The following DUSP16 variants were observed in gnomAD, a reference collection of about 807,000 sequenced individuals.
The protein encoded by DUSP16 is dual specificity protein phosphatase 16.
In DUSP16, 21 loss-of-function variants were observed where a neutral mutation model predicts 58.3. That is an observed-to-expected ratio of 0.36 (90% CI 0.26 to 0.52). The LOEUF (loss-of-function observed/expected upper bound fraction) is 0.52. DUSP16 is among the 20% of genes least tolerant of loss of function. The pLI, the probability that DUSP16 is intolerant of heterozygous loss-of-function variation, is 0.94. For missense variants in DUSP16, 726 were observed against 819.0 expected (o/e 0.89, Z 1.39); for synonymous variants, 320 against 323.8 (o/e 0.99, Z 0.12).
Position 12,493,102 on chromosome 12 carries a change from CTTCAGGGA to C in DUSP16, c.532-5923_532-5916del, listed in dbSNP as rs912093254. Among the ~76,000 whole-genome samples the C allele has an allele frequency of 3.8e-3, 580 of 152,290 alleles. 2 individuals are homozygous for C. The highest frequency in any genetic ancestry group is 0.013 in the African/African-American group (552 of 41,542). ...ATGACTCCCACCTTTATACCTCCTC[CTTCAGGGA>C]TCCCCCTGCCCCATTCATACATCCA... On this transcript the variant is annotated intron_variant, in intron 4 of 6. Transcript: ENST00000298573.
chr12:12,506,498 T>C (rs911103448), intron 3 of DUSP16, among the ~76,000 whole-genome samples: 37 of 152,212 alleles, frequency 2.4e-4, no homozygotes, highest in South Asian at 2.1e-4. Context: ...TTTTTTAAAG[T>C]TGTCTGAAGA....
At chr12:12,551,691 CT>C (rs35198357) in intron 1 of DUSP16, among the ~76,000 whole-genome samples, 42,826 of 139,824 alleles carry the variant, frequency 0.31, 7,180 homozygotes, top group East Asian at 0.4. Flanking sequence ...CTTAGTAAAC[CT>C]TTTTTTTTTT....
At chr12:12,497,663 C>A (rs1461369367) in intron 4 of DUSP16, among the ~76,000 whole-genome samples, 2 of 134,086 alleles carry the variant, frequency 1.5e-5, no homozygotes, top group African/African-American at 5.0e-5. Flanking sequence ...GGTGGCACTT[C>A]ATTTAAAAAA....
At chr12:12,497,631 T>G (rs762743214) in intron 4 of DUSP16, among the ~76,000 whole-genome samples, 2 of 151,122 alleles carry the variant, frequency 1.3e-5, no homozygotes, top group African/African-American at 2.4e-5. Flanking sequence ...AAAATTTCTG[T>G]GACATGCTTC....
Position 12,522,406 on chromosome 12 carries a change from C to G in DUSP16, c.-365-943G>C, listed in dbSNP as rs139235785. ...CCAAACTCCTTTAATCAATCACTTTCTAATTAACACTAGTTGAAGTTTTGC... is the reference window on the plus strand; with the variant it reads ...CCAAACTCCTTTAATCAATCACTTTGTAATTAACACTAGTTGAAGTTTTGC... On this transcript the variant is annotated intron_variant, in intron 1 of 6. Transcript: ENST00000298573. Among the ~76,000 whole-genome samples the G allele has an allele frequency of 2.6e-5, 4 of 152,304 alleles. No homozygotes were observed. In the East Asian group the frequency reaches 7.7e-4, roughly 29 times the overall value.
At chr12:12,515,990 G>A (rs1046238768) in intron 3 of DUSP16, among the ~76,000 whole-genome samples, 1 of 151,640 alleles carries the variant, frequency 6.6e-6, no homozygotes, top group Non-Finnish European at 1.5e-5. Flanking sequence ...TGGCCAGGCT[G>A]GTCTCGAACT....
At chr12:12,536,023 T>C (rs886619168) in intron 1 of DUSP16, among the ~76,000 whole-genome samples, 2 of 152,226 alleles carry the variant, frequency 1.3e-5, no homozygotes, top group Non-Finnish European at 2.9e-5. Context: ...ATAAGAACAC[T>C]ACTAAGAGAA....
At position 12,561,761 on chromosome 12, in the gene DUSP16, G is replaced by A. The variant is rs1291088566; in HGVS notation, c.-366+356C>T. Among the ~76,000 whole-genome samples, 22 of 152,006 alleles carry A rather than the reference G, an allele frequency of 1.4e-4. No homozygotes were observed. In the East Asian group the frequency reaches 3.9e-3, roughly 27 times the overall value. On this transcript the variant is annotated intron_variant, in intron 1 of 6. Transcript: ENST00000298573. Reference sequence around the variant, plus strand: ...TTCGCCCGCAAAGGTGCCGCGTCCCGCGGCGGCCGCTCCTCTCGGCGGGGC... The same window carrying A: ...TTCGCCCGCAAAGGTGCCGCGTCCCACGGCGGCCGCTCCTCTCGGCGGGGC...
intron 1 of DUSP16, among the ~76,000 whole-genome samples, chr12:12,561,783 G>A (rs1944908179): frequency 6.6e-6 from 1 of 151,750 alleles, no homozygotes; most frequent in South Asian, 2.1e-4. Context: ...CCTCTCGGCG[G>A]GGCCCGGTCC....
chr12:12,510,024 T>TA (rs1242182067), intron 3 of DUSP16, among the ~76,000 whole-genome samples: 1 of 152,164 alleles, frequency 6.6e-6, no homozygotes, highest in Admixed American at 6.5e-5. Context: ...ACTGAATCCT[T>TA]ACTATGATTC....
At chr12:12,560,436 T>C (rs1229418320) in intron 1 of DUSP16, among the ~76,000 whole-genome samples, 1 of 152,208 alleles carries the variant, frequency 6.6e-6, no homozygotes, top group Non-Finnish European at 1.5e-5. Flanking sequence ...GCTGGTGTTA[T>C]TTAGCCTATA....
At chr12:12,517,632 T>C (rs1030944539) in intron 3 of DUSP16, among the ~76,000 whole-genome samples, 2 of 152,218 alleles carry the variant, frequency 1.3e-5, no homozygotes, top group Non-Finnish European at 2.9e-5. Flanking sequence ...TTTTGGATGA[T>C]TGGGAAGGCT....
chr12:12,488,767 A>G (rs1943720295), intron 4 of DUSP16, among the ~76,000 whole-genome samples: 1 of 152,210 alleles, frequency 6.6e-6, no homozygotes, highest in East Asian at 1.9e-4. Flanking sequence ...CACAATAAAT[A>G]TACTTTATTT....
At chr12:12,543,864 G>A (rs1454695938) in intron 1 of DUSP16, among the ~76,000 whole-genome samples, 1 of 151,496 alleles carries the variant, frequency 6.6e-6, no homozygotes, top group Non-Finnish European at 1.5e-5. Context: ...ATTTGTATTT[G>A]TAATACAAAT....
At chr12:12,530,617 C>T (rs547496135) in intron 1 of DUSP16, among the ~76,000 whole-genome samples, 23 of 152,186 alleles carry the variant, frequency 1.5e-4, no homozygotes, top group Admixed American at 1.2e-3. Flanking sequence ...AAATTTAGTA[C>T]AATTTCTTCC....
intron 1 of DUSP16, among the ~76,000 whole-genome samples, chr12:12,557,572 T>G (rs1944826778): frequency 6.6e-6 from 1 of 151,930 alleles, no homozygotes; most frequent in African/African-American, 2.4e-5. Flanking sequence ...GTGTAGATTT[T>G]TATTCAAATT....
intron 1 of DUSP16, among the ~76,000 whole-genome samples, chr12:12,542,856 T>C (rs776163561): frequency 3.9e-5 from 6 of 152,128 alleles, no homozygotes; most frequent in Non-Finnish European, 8.8e-5. Context: ...ATTGTGATAG[T>C]ATCTGAAACT....
intron 3 of DUSP16, among the ~76,000 whole-genome samples, chr12:12,515,307 C>T (rs1024600820): frequency 2.7e-5 from 4 of 149,570 alleles, no homozygotes; most frequent in Admixed American, 1.3e-4. Flanking sequence ...ATGTTACACC[C>T]ATTTTTTTAC....
At position 12,473,380 on chromosome 12, in the gene DUSP16, A is replaced by G. The variant is rs1943353624; in HGVS notation, c.*3453T>C. On this transcript the variant is annotated 3_prime_UTR_variant, in exon 7 of 7. Transcript: ENST00000298573. ...TGAAGGGGCTCCGAGCACTGTCAGC[A>G]ACTGGCCTGAACTTCAGGCTCTCCC... Among the ~76,000 whole-genome samples, 1 of 152,136 alleles carries G rather than the reference A, an allele frequency of 6.6e-6. No homozygotes were observed.
Sources: allele counts gnomAD v4.1 joint callset (sites outside exome capture counted in the v4.1 genomes callset), GRCh38; gene constraint gnomAD v4.1.1; transcripts MANE v1.5; gene names NCBI Gene and HGNC (gene_info 2026-07-23, HGNC 2026-07-21).